FHIT: variants seen among roughly 807,000 people sequenced by gnomAD.
FHIT encodes the protein fragile histidine triad diadenosine triphosphatase.
In FHIT, 19 loss-of-function variants were observed where a neutral mutation model predicts 17.9. The observed-to-expected ratio is 1.06, with a 90% CI of 0.74 to 1.56. The LOEUF (loss-of-function observed/expected upper bound fraction) is 1.56. Among genes scored for constraint, FHIT ranks in the 40% most tolerant of loss-of-function variants. The pLI is 0.00. For synonymous variants in FHIT, 81 were observed against 69.7 expected (o/e 1.16, Z -0.81); for missense variants, 248 against 189.2 (o/e 1.31, Z -1.82).
At chr3:60,585,335 C>A (rs1335408600) in intron 4 of FHIT, among the ~76,000 whole-genome samples, 2 of 151,946 alleles carry the variant, frequency 1.3e-5, no homozygotes, top group Admixed American at 6.6e-5. Context: ...CTTCAGAAAG[C>A]AATTTTTGGA....
chr3:59,792,225 A>C (rs1699594940), intron 8 of FHIT, among the ~76,000 whole-genome samples: 1 of 152,138 alleles, frequency 6.6e-6, no homozygotes, highest in African/African-American at 2.4e-5. Flanking sequence ...AGGTATATTA[A>C]ACCGTCTCCA....
At chr3:61,044,953 G>A (rs368399640) in intron 2 of FHIT, among the ~76,000 whole-genome samples, 2 of 152,294 alleles carry the variant, frequency 1.3e-5, no homozygotes, top group East Asian at 1.9e-4. Flanking sequence ...GCCACCACCA[G>A]GCCTGCCTTA....
At chr3:60,699,412 T>G (rs1369403349) in intron 4 of FHIT, among the ~76,000 whole-genome samples, 1 of 152,156 alleles carries the variant, frequency 6.6e-6, no homozygotes, top group African/African-American at 2.4e-5. Flanking sequence ...TTTGGATACT[T>G]GTCAGTGTGA....
rs147264062 is a variant in FHIT at position 59,909,776 on chromosome 3, C to T, written c.348+12570G>A. Reference sequence around the variant, plus strand: ...AACTGCCAGTAAATATTGGCTTCTGCCAATGAATGAAAAAGAACACAGGAT... The same window carrying T: ...AACTGCCAGTAAATATTGGCTTCTGTCAATGAATGAAAAAGAACACAGGAT... On this transcript the variant is annotated intron_variant, in intron 8 of 9. Coordinates refer to ENST00000492590, the MANE Select transcript of FHIT (RefSeq NM_002012.4). Among the ~76,000 whole-genome samples, 1,522 of 152,224 alleles carry T rather than the reference C, an allele frequency of 1.0e-2. 21 individuals carry two copies. The highest frequency in any genetic ancestry group is 0.025 in the Admixed American group (379 of 15,296).
intron 8 of FHIT, among the ~76,000 whole-genome samples, chr3:59,808,329 T>G (rs1417991196): frequency 1.3e-5 from 2 of 152,132 alleles, no homozygotes; most frequent in Non-Finnish European, 2.9e-5. Flanking sequence ...GTAGGGATAT[T>G]GCGGAGGGGC....
chr3:61,018,542 T>C (rs865861040), intron 3 of FHIT, among the ~76,000 whole-genome samples: 3 of 152,188 alleles, frequency 2.0e-5, no homozygotes, highest in African/African-American at 4.8e-5. Flanking sequence ...TTCTCAGATA[T>C]GGTTAGACAG....
chr3:61,081,505 T>A (rs1357597231), intron 2 of FHIT, among the ~76,000 whole-genome samples: 2 of 152,228 alleles, frequency 1.3e-5, no homozygotes, highest in African/African-American at 2.4e-5. Flanking sequence ...CGTAGCCTTT[T>A]AATTAAATTT....
chr3:61,143,632 G>A (rs1027122370), intron 2 of FHIT, among the ~76,000 whole-genome samples: 5 of 152,302 alleles, frequency 3.3e-5, no homozygotes, highest in African/African-American at 7.2e-5. Context: ...CTGGGAGGCC[G>A]AGGCGGGTGG....
chr3:59,899,350 G>T (rs1164858066), intron 8 of FHIT, among the ~76,000 whole-genome samples: 1 of 152,184 alleles, frequency 6.6e-6, no homozygotes, highest in Non-Finnish European at 1.5e-5. Context: ...AGGGAGGCAT[G>T]GAAAGGACTG....
At chr3:60,947,215 T>G (rs1708678876) in intron 3 of FHIT, among the ~76,000 whole-genome samples, 1 of 152,198 alleles carries the variant, frequency 6.6e-6, no homozygotes, top group Admixed American at 6.5e-5. Context: ...AAATTCATTT[T>G]AATTTATTTC....
chr3:61,194,304 A>G (rs1158651597), intron 2 of FHIT, among the ~76,000 whole-genome samples: 3 of 152,282 alleles, frequency 2.0e-5, no homozygotes, highest in African/African-American at 4.8e-5. Flanking sequence ...AGTAGGAGAC[A>G]GTATTATGGG....
At chr3:60,898,909 A>C (rs1186942547) in intron 3 of FHIT, among the ~76,000 whole-genome samples, 1 of 152,224 alleles carries the variant, frequency 6.6e-6, no homozygotes, top group Non-Finnish European at 1.5e-5. Context: ...ATCCATAAAT[A>C]ATTCTCCCTT....
At chr3:60,494,124 T>C (rs1045988332) in intron 5 of FHIT, among the ~76,000 whole-genome samples, 1 of 152,164 alleles carries the variant, frequency 6.6e-6, no homozygotes, top group African/African-American at 2.4e-5. Context: ...ACATTCACAA[T>C]GTCATGCAAC....
At chr3:59,911,889 T>C (rs1002857343) in intron 8 of FHIT, among the ~76,000 whole-genome samples, 1 of 152,116 alleles carries the variant, frequency 6.6e-6, no homozygotes, top group African/African-American at 2.4e-5. Flanking sequence ...CCTACTCTAT[T>C]ATGAAGTGGT....
intron 5 of FHIT, among the ~76,000 whole-genome samples, chr3:60,414,371 T>A (rs1000009658): frequency 5.9e-5 from 9 of 152,138 alleles, no homozygotes; most frequent in Non-Finnish European, 1.0e-4. Flanking sequence ...GGGCCTGAGC[T>A]GAGGTTGGAA....
chr3:61,232,572 G>C (rs1363268600), intron 1 of FHIT, among the ~76,000 whole-genome samples: 2 of 152,110 alleles, frequency 1.3e-5, no homozygotes, highest in African/African-American at 4.8e-5. Flanking sequence ...GACAGGGGAG[G>C]ACCAGGGAGG....
intron 3 of FHIT, among the ~76,000 whole-genome samples, chr3:60,891,480 G>A (rs1451480311): frequency 1.3e-5 from 2 of 152,202 alleles, no homozygotes; most frequent in Non-Finnish European, 2.9e-5. Context: ...CTGGTAGAAT[G>A]GAATGGGTAT....
At chr3:59,922,786 G>A (rs1038261762) in intron 7 of FHIT, among the ~76,000 whole-genome samples, 2 of 152,198 alleles carry the variant, frequency 1.3e-5, no homozygotes, top group Non-Finnish European at 2.9e-5. Flanking sequence ...GGCTAACAGA[G>A]AACTGCATAA....
intron 3 of FHIT, among the ~76,000 whole-genome samples, chr3:60,883,969 A>G (rs1445208462): frequency 6.6e-6 from 1 of 152,236 alleles, no homozygotes; most frequent in East Asian, 1.9e-4. Flanking sequence ...TCCATTTGAC[A>G]AGGGATTAAT....
Sources: gnomAD v4.1 joint callset for allele counts (sites outside exome capture counted in the v4.1 genomes callset) on GRCh38, gnomAD v4.1.1 for gene constraint, MANE v1.5 for transcripts, NCBI Gene and HGNC (gene_info 2026-07-23, HGNC 2026-07-21) for gene names.